Variants in IFIT1 observed in about 807,000 individuals in gnomAD.
IFIT1 encodes interferon induced protein with tetratricopeptide repeats 1, also known as antiviral innate immune response effector IFIT1.
In IFIT1, 1 loss-of-function variant was observed where a neutral mutation model predicts 2.5. The observed-to-expected ratio is 0.40, with a 90% CI of 0.14 to 1.92. IFIT1 has a LOEUF of 1.92. Among genes scored for constraint, IFIT1 ranks in the 40% most tolerant of loss-of-function variants. The pLI is 0.31. For missense variants in IFIT1, 508 were observed against 557.8 expected (o/e 0.91, Z 0.90); for synonymous variants, 191 against 201.7 (o/e 0.95, Z 0.45).
Position 89,402,971 on chromosome 10 carries a change from G to A in IFIT1, c.696G>A (p.Gln232=). Residue 232 remains glutamine (Q), a synonymous_variant, in exon 2 of 2, where the codon CAG becomes CAA. Coordinates refer to ENST00000371804, the MANE Select transcript of IFIT1 (RefSeq NM_001548.5). The stretch of plus-strand genomic sequence containing the variant: ...CCCTGAAGCTTCAGGATGAAGGACA[G>A]GAAGCTGAAGGAGAAAAGTACATTG... ...LLALKLQDEG[Q]EAEGEKYIEE... 1 of 1,614,078 alleles carries A rather than the reference G, an allele frequency of 6.2e-7. No individual in the cohort carries two copies. Among genetic ancestry groups the A allele is most frequent in the South Asian group, 1.1e-5 (1 of 91,070 alleles).
chr10:89,393,019 T>TGA, intron 1 of IFIT1: 1 of 791,350 alleles, frequency 1.3e-6, no homozygotes, highest in South Asian at 1.8e-5. Flanking sequence ...GATCCCAATC[T>TGA]GAGAGATTCT....
rs1454269915 is a variant in IFIT1 at position 89,403,193 on chromosome 10, A to C, written c.918A>C (p.Thr306=). 4.3e-6 allele frequency: 7 copies of C among 1,614,054 alleles called. No individual in the cohort carries two copies. Among genetic ancestry groups the C allele is most frequent in the Non-Finnish European group, 5.9e-6 (7 of 1,180,000 alleles). The change falls in exon 2 of 2, where the codon ACA becomes ACC. Residue 306 remains threonine (T), a synonymous_variant. Transcript: ENST00000371804. ...AAATGATCCAAATCAAGGAGGCTAC[A>C]AAAGGGCAGCCTAGAGGGCAGAACA... ...KAQMIQIKEA[T]KGQPRGQNRE...
chr10:89,402,487 C>A lies in IFIT1; in HGVS notation c.212C>A (p.Ala71Asp). The A allele has an allele frequency of 6.2e-7, 1 of 1,614,162 alleles. No homozygotes were observed. Among genetic ancestry groups the A allele is most frequent in the South Asian group, 1.1e-5 (1 of 91,078 alleles). The change falls in exon 2 of 2, where the codon GCC becomes GAC. Residue 71 changes from alanine to aspartate, a missense_variant. Coordinates refer to ENST00000371804, the MANE Select transcript of IFIT1 (RefSeq NM_001548.5). Reference protein sequence around the residue: ...VKHLKGQNEEALKSLKEAENL... With the variant: ...VKHLKGQNEEDLKSLKEAENL... ...CACCTGAAAGGCCAGAATGAGGAAG[C>A]CCTGAAGAGCTTAAAAGAAGCTGAA...
At chr10:89,402,255 A>G in intron 1 of IFIT1, 26 bp from the exon 2 acceptor site, 3 of 1,498,948 alleles carry the variant, frequency 2.0e-6, no homozygotes, top group South Asian at 1.2e-5. Flanking sequence ...TCACCTAACA[A>G]AGAAAATCTG....
intron 1 of IFIT1, 32 bp from the exon 2 acceptor site, chr10:89,402,249 C>T: frequency 6.9e-7 from 1 of 1,450,198 alleles, no homozygotes; most frequent in Non-Finnish European, 9.5e-7. Context: ...TGTTCCTCAC[C>T]TAACAAAGAA....
chr10:89,394,571 C>A (rs1844305644), intron 1 of IFIT1, among the ~76,000 whole-genome samples: 1 of 122,130 alleles, frequency 8.2e-6, no homozygotes, highest in African/African-American at 3.3e-5. Flanking sequence ...ATATGTACTA[C>A]AGGAAAATAT....
Position 89,403,485 on chromosome 10 carries a change from A to C in IFIT1, c.1210A>C (p.Lys404Gln). The C allele has an allele frequency of 6.2e-7, 1 of 1,612,350 alleles. No individual in the cohort carries two copies. The highest frequency in any genetic ancestry group is 2.2e-5 in the East Asian group (1 of 44,878). ...SDVNAIIHYL[K>Q]AIKIEQASLT... ...CGTCAATGCAATTATCCATTATTTA[A>C]AAGCTATAAAAATAGAACAGGCATC... Residue 404 changes from lysine to glutamine, a missense_variant, in exon 2 of 2, where the codon AAA (lysine) becomes CAA (glutamine). Physicochemically the swap from Lys to Gln is moderately conservative, Grantham distance 53. Coordinates refer to ENST00000371804, the MANE Select transcript of IFIT1 (RefSeq NM_001548.5).
Position 89,405,288 on chromosome 10 carries a change from T to C in IFIT1, c.*1576T>C, listed in dbSNP as rs1301544319. 2 of 152,236 alleles carry C rather than the reference T, an allele frequency of 1.3e-5. No individual in the cohort carries two copies. Among genetic ancestry groups the C allele is most frequent in the Non-Finnish European group, 2.9e-5 (2 of 68,042 alleles). 9.4% of individuals were successfully genotyped at this position (152,236 alleles called of 1,614,324 possible). A position where few individuals can be genotyped will look rare whatever the true frequency, so the allele number is the denominator to read the frequency against. ...TCTAGTTAAATCAAGAAATATTACA[T>C]GAAAATGTTGCTAAATCAGAGATCA... On this transcript the variant is annotated 3_prime_UTR_variant, in exon 2 of 2. Coordinates refer to ENST00000371804, the MANE Select transcript of IFIT1 (RefSeq NM_001548.5).
At chr10:89,399,216 A>G (rs1429094870) in intron 1 of IFIT1, among the ~76,000 whole-genome samples, 1 of 151,894 alleles carries the variant, frequency 6.6e-6, no homozygotes, top group East Asian at 1.9e-4. Flanking sequence ...TTTCTTAATC[A>G]GTTGTTTGTT....
At chr10:89,394,601 TATATATATATATATATATATATATATAA>T (rs879401688) in intron 1 of IFIT1, among the ~76,000 whole-genome samples, 21,029 of 55,244 alleles carry the variant, frequency 0.38, 2,623 homozygotes, top group East Asian at 0.64. Flanking sequence ...TATATATATA[TATATATATATATATATATATATATATAA>T]AACTTGAATT....
At chr10:89,393,731 A>G (rs1844292448) in intron 1 of IFIT1, among the ~76,000 whole-genome samples, 1 of 152,226 alleles carries the variant, frequency 6.6e-6, no homozygotes, top group African/African-American at 2.4e-5. Flanking sequence ...CTCCGTCTCA[A>G]AAACAAACAA....
chr10:89,395,417 G>T (rs999249566), intron 1 of IFIT1, among the ~76,000 whole-genome samples: 73 of 152,166 alleles, frequency 4.8e-4, no homozygotes, highest in Admixed American at 4.8e-3. Context: ...GCCCTGCAAG[G>T]CATATTACCC....
intron 1 of IFIT1, among the ~76,000 whole-genome samples, chr10:89,399,214 T>A (rs1471262088): frequency 6.6e-6 from 1 of 152,210 alleles, no homozygotes; most frequent in Non-Finnish European, 1.5e-5. Context: ...CATTTCTTAA[T>A]CAGTTGTTTG....
intron 1 of IFIT1, among the ~76,000 whole-genome samples, chr10:89,395,553 C>A (rs1415219422): frequency 2.0e-5 from 3 of 152,080 alleles, no homozygotes; most frequent in Admixed American, 2.0e-4. Context: ...CATGGCTTTC[C>A]GAGAGAGTGG....
chr10:89,395,837 C>A (rs2133618364), intron 1 of IFIT1, among the ~76,000 whole-genome samples: 1 of 152,058 alleles, frequency 6.6e-6, no homozygotes, highest in South Asian at 2.1e-4. Context: ...AAAAATACAA[C>A]AGTGACCTTT....
In IFIT1 at chr10:89,402,447, C is replaced by G; in HGVS notation, c.172C>G (p.Leu58Val). 1 of 1,614,168 alleles carries G rather than the reference C, an allele frequency of 6.2e-7. No homozygotes were observed. Among genetic ancestry groups the G allele is most frequent in the Non-Finnish European group, 8.5e-7 (1 of 1,180,028 alleles). The change falls in exon 2 of 2, where the codon CTA (leucine) becomes GTA (valine). Residue 58 changes from leucine to valine, a missense_variant. Leu to Val is a conservative substitution (Grantham distance 32). Coordinates refer to ENST00000371804, the MANE Select transcript of IFIT1 (RefSeq NM_001548.5). ...ATACAGTGTGGGAATACACAACCTA[C>G]TAGCCTATGTGAAACACCTGAAAGG... is the stretch of plus-strand genomic sequence containing the variant. ...TKYSVGIHNL[L>V]AYVKHLKGQN...
chr10:89,401,728 ATC>A (rs1164908788), intron 1 of IFIT1, among the ~76,000 whole-genome samples: 1 of 151,686 alleles, frequency 6.6e-6, no homozygotes, highest in Admixed American at 6.6e-5. Context: ...GATACACTGG[ATC>A]TCTGTACTGT....
At position 89,402,920 on chromosome 10, in the gene IFIT1, C is replaced by G. The variant is rs303210; in HGVS notation, c.645C>G (p.Asp215Glu). Residue 215 changes from aspartate to glutamate, a missense_variant, in exon 2 of 2, where the codon GAC (aspartate) becomes GAG (glutamate). Physicochemically the swap from Asp to Glu is conservative, Grantham distance 45. Coordinates refer to ENST00000371804, the MANE Select transcript of IFIT1 (RefSeq NM_001548.5). ...PLRQAVRLNP[D>E]NGYIKVLLAL... ...GGCAGGCTGTCCGCTTAAATCCAGA[C>G]AATGGATATATTAAGGTTCTCCTTG... 4.3e-6 allele frequency: 7 copies of G among 1,614,028 alleles called. No homozygotes were observed. Among genetic ancestry groups the G allele is most frequent in the Admixed American group, 3.3e-5 (2 of 60,016 alleles).
intron 1 of IFIT1, among the ~76,000 whole-genome samples, chr10:89,396,860 G>A (rs1030954898): frequency 6.6e-6 from 1 of 152,162 alleles, no homozygotes; most frequent in African/African-American, 2.4e-5. Flanking sequence ...GTGTTTGCTA[G>A]TCCTTTGTGA....
Sources: gnomAD v4.1 joint callset for allele counts (sites outside exome capture counted in the v4.1 genomes callset) on GRCh38, gnomAD v4.1.1 for gene constraint, MANE v1.5 for transcripts, NCBI Gene and HGNC (gene_info 2026-07-23, HGNC 2026-07-21) for gene names.